Variants in ZNF804A observed in about 807,000 individuals in gnomAD.
ZNF804A encodes zinc finger protein 804A.
Under a neutral mutation model 16.5 loss-of-function variants are expected in ZNF804A, and 2 were observed. The ratio of observed to expected loss-of-function variants is 0.12; its 90% CI spans 0.05 to 0.38. The LOEUF is 0.38. Among genes scored for constraint, ZNF804A ranks in the 10% least tolerant of loss-of-function variants. The probability of loss-of-function intolerance (pLI) is 0.99; values close to 1 mark genes in which losing one functional copy is unlikely to be tolerated. For missense variants in ZNF804A, 1,473 were observed against 1,390.7 expected (o/e 1.06, Z -0.94); for synonymous variants, 534 against 489.6 (o/e 1.09, Z -1.20).
chr2:184,781,017 T>G (rs1694364296), intron 1 of ZNF804A, among the ~76,000 whole-genome samples: 1 of 151,710 alleles, frequency 6.6e-6, no homozygotes, highest in Admixed American at 6.6e-5. Flanking sequence ...TGGGGAGATG[T>G]TTTCCGAGTC....
intron 2 of ZNF804A, among the ~76,000 whole-genome samples, chr2:184,906,325 G>T (rs908304577): frequency 6.6e-6 from 1 of 151,998 alleles, no homozygotes; most frequent in African/African-American, 2.4e-5. Context: ...TTGAGGCAGG[G>T]TCTTGCTCTG....
chr2:184,868,158 A>G (rs1180692725), intron 2 of ZNF804A, among the ~76,000 whole-genome samples: 2 of 152,086 alleles, frequency 1.3e-5, no homozygotes, highest in Admixed American at 6.6e-5. Flanking sequence ...AGAGTGATCA[A>G]ATCCTAAAAA....
intron 2 of ZNF804A, among the ~76,000 whole-genome samples, chr2:184,896,684 C>A (rs1415441080): frequency 2.0e-5 from 3 of 152,142 alleles, no homozygotes; most frequent in East Asian, 1.9e-4. Flanking sequence ...AGTTTTAATT[C>A]TTTCTTTACA....
At chr2:184,801,962 G>T (rs1233631062) in intron 1 of ZNF804A, among the ~76,000 whole-genome samples, 1 of 152,124 alleles carries the variant, frequency 6.6e-6, no homozygotes, top group Admixed American at 6.5e-5. Context: ...GTTTAACATT[G>T]CTGTAGCTGT....
At chr2:184,882,428 G>A (rs1011776338) in intron 2 of ZNF804A, among the ~76,000 whole-genome samples, 1 of 151,898 alleles carries the variant, frequency 6.6e-6, no homozygotes, top group African/African-American at 2.4e-5. Context: ...AGATATTCAG[G>A]ACTTGAACAT....
intron 1 of ZNF804A, among the ~76,000 whole-genome samples, chr2:184,660,160 A>G (rs994966565): frequency 1.3e-5 from 2 of 152,212 alleles, no homozygotes; most frequent in Non-Finnish European, 2.9e-5. Context: ...AGTAGTTTTA[A>G]TGTAATTAAG....
intron 1 of ZNF804A, among the ~76,000 whole-genome samples, chr2:184,790,076 T>C (rs1055249041): frequency 3.3e-5 from 5 of 152,154 alleles, no homozygotes; most frequent in African/African-American, 9.6e-5. Flanking sequence ...TATTTCATTG[T>C]TTACTCCAAA....
At chr2:184,900,313 G>A (rs79243154) in intron 2 of ZNF804A, among the ~76,000 whole-genome samples, 8,602 of 152,096 alleles carry the variant, frequency 0.057, 831 homozygotes, top group African/African-American at 0.2. Context: ...CCCCCCTTGA[G>A]TGTTATACCA....
At chr2:184,828,752 C>G (rs925326446) in intron 1 of ZNF804A, among the ~76,000 whole-genome samples, 1 of 151,842 alleles carries the variant, frequency 6.6e-6, no homozygotes, top group African/African-American at 2.4e-5. Context: ...GTTAGCTCTA[C>G]TTTTTACATA....
intron 1 of ZNF804A, among the ~76,000 whole-genome samples, chr2:184,655,611 A>G (rs578019272): frequency 2.0e-5 from 3 of 152,266 alleles, no homozygotes; most frequent in Admixed American, 2.0e-4. Flanking sequence ...TATTCAATAT[A>G]ATTTGTAGAT....
chr2:184,827,341 C>G (rs2105793694), intron 1 of ZNF804A, among the ~76,000 whole-genome samples: 1 of 149,682 alleles, frequency 6.7e-6, no homozygotes, highest in East Asian at 1.9e-4. Context: ...TCACTTCAAA[C>G]TTTTTAAAAT....
chr2:184,938,925 C>T lies in ZNF804A; in HGVS notation c.3529C>T (p.Leu1177Phe), dbSNP rs1369698880. The T allele has an allele frequency of 1.9e-6, 3 of 1,613,952 alleles. No homozygotes were observed. The highest frequency in any genetic ancestry group is 1.1e-5 in the South Asian group (1 of 91,070). The change falls in exon 4 of 4, where the codon CTT (leucine) becomes TTT (phenylalanine). Residue 1177 changes from leucine (L) to phenylalanine (F), a missense_variant. Coordinates refer to ENST00000302277, the MANE Select transcript of ZNF804A (RefSeq NM_194250.2). ...PQMPIIPASVLHPSHLAFPSL... is the reference protein window; with the variant it reads ...PQMPIIPASVFHPSHLAFPSL... ...GATGCCAATCATTCCAGCTTCCGTT[C>T]TTCATCCTAGCCATCTGGCTTTCCC...
chr2:184,747,429 T>C (rs1017129114), intron 1 of ZNF804A, among the ~76,000 whole-genome samples: 1 of 150,608 alleles, frequency 6.6e-6, no homozygotes, highest in Non-Finnish European at 1.5e-5. Flanking sequence ...TTTAAACACA[T>C]TTAAACAAGT....
At chr2:184,776,685 G>T (rs1318484010) in intron 1 of ZNF804A, among the ~76,000 whole-genome samples, 1 of 151,434 alleles carries the variant, frequency 6.6e-6, no homozygotes, top group African/African-American at 2.4e-5. Context: ...TTTATTAAAT[G>T]TCCCAGTCTT....
At chr2:184,675,919 A>G (rs1262484328) in intron 1 of ZNF804A, among the ~76,000 whole-genome samples, 2 of 151,692 alleles carry the variant, frequency 1.3e-5, no homozygotes, top group Non-Finnish European at 1.5e-5. Flanking sequence ...ACTAACCTCA[A>G]TTGTTTATTT....
At chr2:184,836,975 A>G (rs1388024133) in intron 1 of ZNF804A, among the ~76,000 whole-genome samples, 1 of 151,980 alleles carries the variant, frequency 6.6e-6, no homozygotes, top group Non-Finnish European at 1.5e-5. Flanking sequence ...GTGACTATGT[A>G]CATGGTGTGT....
intron 1 of ZNF804A, among the ~76,000 whole-genome samples, chr2:184,678,313 A>T (rs902423132): frequency 2.0e-5 from 3 of 152,122 alleles, no homozygotes; most frequent in Admixed American, 6.5e-5. Flanking sequence ...AAAACCAGAC[A>T]GTGTGCTATA....
In ZNF804A at chr2:184,937,661, A is replaced by G; in HGVS notation, c.2265A>G (p.Lys755=). ...MKHMSQNQAV[K]RGYNSVMNES... ...ACATGAGTCAGAATCAGGCTGTTAA[A>G]AGAGGTTACAATTCTGTCATGAATG... is the stretch of plus-strand genomic sequence containing the variant. The change falls in exon 4 of 4, where the codon AAA becomes AAG. Residue 755 remains lysine (K), a synonymous_variant. Coordinates refer to ENST00000302277, the MANE Select transcript of ZNF804A (RefSeq NM_194250.2). 3 of 1,614,072 alleles carry G rather than the reference A, an allele frequency of 1.9e-6. No homozygotes were observed. Among genetic ancestry groups the G allele is most frequent in the Non-Finnish European group, 2.5e-6 (3 of 1,179,974 alleles).
At chr2:184,831,284 T>A (rs1695258483) in intron 1 of ZNF804A, among the ~76,000 whole-genome samples, 1 of 152,054 alleles carries the variant, frequency 6.6e-6, no homozygotes, top group Admixed American at 6.6e-5. Context: ...AATCAGTTTT[T>A]TTTGCATTTT....
Sources: gnomAD v4.1 joint callset for allele counts (sites outside exome capture counted in the v4.1 genomes callset) on GRCh38, gnomAD v4.1.1 for gene constraint, MANE v1.5 for transcripts, NCBI Gene and HGNC (gene_info 2026-07-23, HGNC 2026-07-21) for gene names.